Variants in HS6ST2 observed in about 807,000 individuals in gnomAD.
The protein encoded by HS6ST2 is heparan-sulfate 6-O-sulfotransferase 2.
HS6ST2 carries 17 observed loss-of-function variants against 33.0 expected under a neutral mutation model. That is an observed-to-expected ratio of 0.52 (90% CI 0.35 to 0.77). The LOEUF (loss-of-function observed/expected upper bound fraction) is 0.77. Among genes scored for constraint, HS6ST2 ranks in the 30% least tolerant of loss-of-function variants. The pLI, the probability that HS6ST2 is intolerant of heterozygous loss-of-function variation, is 0.01. For synonymous variants in HS6ST2, 248 were observed against 237.1 expected (o/e 1.05, Z -0.42); for missense variants, 519 against 551.7 (o/e 0.94, Z 0.59).
intron 2 of HS6ST2, among the ~76,000 whole-genome samples, chrX:132,805,927 G>A (rs971525521): frequency 9.1e-6 from 1 of 110,023 alleles, no homozygotes; most frequent in Non-Finnish European, 1.9e-5. Context: ...TATCTACATC[G>A]GCAAGGAGAT....
At chrX:132,927,409 AAT>A (rs2066720478) in intron 2 of HS6ST2, among the ~76,000 whole-genome samples, 1 of 111,733 alleles carries the variant, frequency 8.9e-6, no homozygotes, top group Non-Finnish European at 1.9e-5. Context: ...AAAAAGTCCC[AAT>A]GCCTTCTCAC....
At chrX:132,740,491 C>T (rs374567381) in intron 2 of HS6ST2, among the ~76,000 whole-genome samples, 177 of 111,438 alleles carry the variant, frequency 1.6e-3, no homozygotes, top group Admixed American at 3.5e-3. Context: ...TGCTGAAATC[C>T]GGCAGTGATT....
chrX:132,908,910 T>A (rs776305916), intron 2 of HS6ST2, among the ~76,000 whole-genome samples: 14 of 107,716 alleles, frequency 1.3e-4, no homozygotes, highest in Non-Finnish European at 2.3e-4. Flanking sequence ...CTGACTTATA[T>A]ATGGGTTTCT....
At chrX:132,789,100 A>G (rs1026597786) in intron 2 of HS6ST2, among the ~76,000 whole-genome samples, 3 of 112,626 alleles carry the variant, frequency 2.7e-5, no homozygotes, top group African/African-American at 9.7e-5. Context: ...ATGTAGATTA[A>G]TCAGACTTAT....
chrX:132,797,136 G>C (rs191935231), intron 2 of HS6ST2, among the ~76,000 whole-genome samples: 2 of 111,386 alleles, frequency 1.8e-5, no homozygotes, highest in East Asian at 5.7e-4. Context: ...AGGAATAAAA[G>C]TAACTCCAAT....
intron 2 of HS6ST2, among the ~76,000 whole-genome samples, chrX:132,892,795 G>C (rs2066330233): frequency 9.0e-6 from 1 of 111,555 alleles, no homozygotes. Context: ...CTCCAGCCTG[G>C]GTGACAGAGT....
intron 2 of HS6ST2, among the ~76,000 whole-genome samples, chrX:132,822,343 C>T (rs746613717): frequency 9.0e-6 from 1 of 111,226 alleles, no homozygotes; most frequent in African/African-American, 3.3e-5. Context: ...TCAGAGAGGA[C>T]ACCCTCTCTG....
intron 3 of HS6ST2, among the ~76,000 whole-genome samples, chrX:132,687,426 G>C (rs149911195): frequency 2.7e-5 from 3 of 110,787 alleles, no homozygotes; most frequent in African/African-American, 6.6e-5. Context: ...CTTAATGAAG[G>C]CTCTTGCTGG....
At chrX:132,768,968 G>A (rs763436140) in intron 2 of HS6ST2, among the ~76,000 whole-genome samples, 5 of 112,211 alleles carry the variant, frequency 4.5e-5, no homozygotes, top group Admixed American at 9.4e-5. Context: ...GTGCCTGTAC[G>A]AATCATCCAC....
intron 4 of HS6ST2, among the ~76,000 whole-genome samples, chrX:132,663,019 G>A (rs1265782056): frequency 9.0e-6 from 1 of 111,631 alleles, no homozygotes; most frequent in African/African-American, 3.3e-5. Context: ...TTGAGGGCTT[G>A]TCACGAGCCA....
upstream of HS6ST2, chrX:132,958,656 TATA>T (rs2067120452): frequency 1.9e-6 from 2 of 1,041,408 alleles, no homozygotes; most frequent in Non-Finnish European, 2.6e-6. Context: ...CTTGAATTTA[TATA>T]ATAATGCCTC....
rs779371743 is a variant in HS6ST2 at position 132,709,416 on chromosome X, C to T, written c.948-922G>A. On this transcript the variant is annotated intron_variant, in intron 2 of 4. Transcript: ENST00000370833. ...AGGCCTTAGAAGTGAGTTAAGAGAG[C>T]CTTTTTTAATAGCATGGCTAGCAGC... is the stretch of plus-strand genomic sequence containing the variant. Among the ~76,000 whole-genome samples the T allele has an allele frequency of 1.4e-4, 16 of 111,621 alleles. No homozygotes were observed. The Admixed American group carries it at 1.5e-3, about 11-fold the overall frequency.
chrX:132,770,612 C>A (rs927391499), intron 2 of HS6ST2, among the ~76,000 whole-genome samples: 1 of 111,694 alleles, frequency 9.0e-6, no homozygotes, highest in Non-Finnish European at 1.9e-5. Flanking sequence ...TTTTTCAATT[C>A]TCTTAAACAA....
At chrX:132,640,923 G>A (rs1018665249) in intron 4 of HS6ST2, among the ~76,000 whole-genome samples, 2 of 111,116 alleles carry the variant, frequency 1.8e-5, no homozygotes, top group African/African-American at 6.6e-5. Flanking sequence ...ACATGTGCAG[G>A]CTTGTTATAT....
intron 2 of HS6ST2, among the ~76,000 whole-genome samples, chrX:132,934,328 G>T (rs2066803526): frequency 9.0e-6 from 1 of 111,247 alleles, no homozygotes; most frequent in Non-Finnish European, 1.9e-5. Flanking sequence ...TACATAAGGT[G>T]GTTTATAAGA....
intron 2 of HS6ST2, among the ~76,000 whole-genome samples, chrX:132,781,252 G>C (rs2065014681): frequency 8.9e-6 from 1 of 112,006 alleles, no homozygotes; most frequent in South Asian, 3.8e-4. Context: ...GGTAGACATA[G>C]AATAACTTCG....
At chrX:132,695,320 T>C (rs911642398) in intron 3 of HS6ST2, among the ~76,000 whole-genome samples, 1 of 111,906 alleles carries the variant, frequency 8.9e-6, no homozygotes, top group African/African-American at 3.3e-5. Flanking sequence ...CAGATTGTTA[T>C]CCTAATGCAC....
upstream of HS6ST2, among the ~76,000 whole-genome samples, chrX:132,959,541 G>T (rs1056001460): frequency 8.9e-6 from 1 of 112,262 alleles, no homozygotes; most frequent in Admixed American, 9.4e-5. Flanking sequence ...GCTGAGTCCT[G>T]GGGTGGGGGC....
At chrX:132,706,277 G>C (rs1214719249) in intron 3 of HS6ST2, among the ~76,000 whole-genome samples, 1 of 112,021 alleles carries the variant, frequency 8.9e-6, no homozygotes, top group Non-Finnish European at 1.9e-5. Context: ...AAATGCAGCA[G>C]CAGAACTGAT....
Sources: gnomAD v4.1 joint callset for allele counts (sites outside exome capture counted in the v4.1 genomes callset) on GRCh38, gnomAD v4.1.1 for gene constraint, MANE v1.5 for transcripts, NCBI Gene and HGNC (gene_info 2026-07-23, HGNC 2026-07-21) for gene names.